Variants in SATB2 observed in about 807,000 individuals in gnomAD.
The protein encoded by SATB2 is DNA-binding protein SATB2.
In SATB2, 1 loss-of-function variant was observed where a neutral mutation model predicts 73.4. The observed-to-expected ratio is 0.01, with a 90% confidence interval of 0.00 to 0.06. SATB2 has a LOEUF of 0.06. Among genes scored for constraint, SATB2 ranks in the 10% least tolerant of loss-of-function variants. The pLI, the probability that SATB2 is intolerant of heterozygous loss-of-function variation, is 1.00. For synonymous variants in SATB2, 397 were observed against 367.0 expected, an observed-to-expected ratio of 1.08 and a Z score of -0.93; for missense variants, 459 against 945.8, an observed-to-expected ratio of 0.49 and a Z score of 6.75.
rs184708212 is a variant in SATB2, at chr2:199,410,932, T to C, written c.346+22406A>G. Among the ~76,000 whole-genome samples, 1,316 of 152,306 alleles carry C rather than the reference T, an allele frequency of 8.6e-3. 6 individuals are homozygous for C. Among genetic ancestry groups the C allele is most frequent in the Non-Finnish European group, 0.013 (856 of 68,028 alleles). ...TTTTTTTTAAAACCATAAAATTCCC[T>C]TCTGCCTCTTACTTGTAAAGCTCCA... On this transcript the variant is annotated intron_variant, in intron 3 of 10. Coordinates refer to ENST00000417098, the MANE Select transcript of SATB2 (RefSeq NM_001172509.2).
At chr2:199,422,627 T>C (rs1691206542) in intron 3 of SATB2, among the ~76,000 whole-genome samples, 1 of 152,138 alleles carries the variant, frequency 6.6e-6, no homozygotes, top group South Asian at 2.1e-4. Context: ...TGCCACTAAA[T>C]GGGATATTGG....
chr2:199,283,519 C>A (rs1692594636), intron 10 of SATB2, among the ~76,000 whole-genome samples: 1 of 146,374 alleles, frequency 6.8e-6, no homozygotes, highest in South Asian at 2.3e-4. Context: ...TGCTTTTGTA[C>A]CATCTGCAAA....
intron 2 of SATB2, among the ~76,000 whole-genome samples, chr2:199,449,077 G>A (rs1053824263): frequency 6.6e-6 from 1 of 152,018 alleles, no homozygotes; most frequent in Non-Finnish European, 1.5e-5. Context: ...TTCTATTCAT[G>A]CTTTTATCTG....
Position 199,328,732 on chromosome 2 carries a change from G to A in SATB2, c.1352C>T (p.Ala451Val), listed in dbSNP as rs1210717946. Reference sequence around the variant, plus strand: ...TCGGGAGGAGCTGGGACTGCTGGAGGCCGAGGAGACCATGCTCACATTGGG... The same window carrying A: ...TCGGGAGGAGCTGGGACTGCTGGAGACCGAGGAGACCATGCTCACATTGGG... ...MNPNVSMVSS[A>V]SSSPSSSRTP... The change falls in exon 8 of 11, where the codon GCC becomes GTC. Residue 451 changes from alanine (A) to valine (V), a missense_variant. By Grantham distance (64) the Ala-to-Val change is moderately conservative. Around this residue, in one of 13 missense-constraint regions of SATB2, gnomAD observed 53 missense variants for 70.5 expected, o/e 0.75. Transcript: ENST00000417098. 2 of 1,613,420 alleles carry A rather than the reference G, an allele frequency of 1.2e-6. No individual in the cohort carries two copies. Among genetic ancestry groups the A allele is most frequent in the South Asian group, 1.1e-5 (1 of 91,048 alleles).
chr2:199,347,025 G>C (rs1197575040), intron 7 of SATB2: 1 of 152,004 alleles, frequency 6.6e-6, no homozygotes, highest in Non-Finnish European at 1.5e-5. Flanking sequence ...ACCACGCCCA[G>C]CTAATTTTTT....
At chr2:199,300,248 T>G (rs1038431861) in intron 10 of SATB2, among the ~76,000 whole-genome samples, 2 of 151,606 alleles carry the variant, frequency 1.3e-5, no homozygotes, top group African/African-American at 4.8e-5. Context: ...ATAGCAACAT[T>G]GAGTTGACCA....
At chr2:199,365,303 T>TA (rs55829800) in intron 6 of SATB2, among the ~76,000 whole-genome samples, 55 of 149,266 alleles carry the variant, frequency 3.7e-4, no homozygotes, top group African/African-American at 1.1e-3. Context: ...GATCAGCAAT[T>TA]AAAAAAAAAA....
At chr2:199,287,289 T>C (rs1392856523) in intron 10 of SATB2, among the ~76,000 whole-genome samples, 1 of 151,548 alleles carries the variant, frequency 6.6e-6, no homozygotes, top group Non-Finnish European at 1.5e-5. Flanking sequence ...ATAAATACAT[T>C]TCACCCAGTA....
intron 3 of SATB2, among the ~76,000 whole-genome samples, chr2:199,413,881 C>T (rs1690895369): frequency 6.6e-6 from 1 of 152,274 alleles, no homozygotes; most frequent in African/African-American, 2.4e-5. Context: ...TGGACACCTA[C>T]ACGAGACAAA....
intron 10 of SATB2, among the ~76,000 whole-genome samples, chr2:199,289,852 C>T (rs1692801347): frequency 6.6e-6 from 1 of 152,160 alleles, no homozygotes; most frequent in Admixed American, 6.5e-5. Context: ...TTAAACAGTT[C>T]TTGGATTAAT....
At chr2:199,362,171 A>G (rs1574547392) in intron 6 of SATB2, among the ~76,000 whole-genome samples, 1 of 152,180 alleles carries the variant, frequency 6.6e-6, no homozygotes, top group African/African-American at 2.4e-5. Context: ...GGATAAATGT[A>G]CTGCCATTCT....
At position 199,272,809 on chromosome 2, in the gene SATB2, A is replaced by C. The variant is rs758097907; in HGVS notation, c.1741-137T>G. 2.6e-5 allele frequency: 21 copies of C among 796,136 alleles called. No homozygotes were observed. The highest frequency in any genetic ancestry group is 4.2e-5 in the Non-Finnish European group (20 of 478,478). 49.3% of individuals were successfully genotyped at this position (796,136 alleles called of 1,614,324 possible). On this transcript the variant is annotated intron_variant, in intron 10 of 10. Transcript: ENST00000417098. The surrounding 1 kb of genome is among the most constrained non-coding windows in gnomAD (Gnocchi z 6.7). ...TCATTTGTAAAGTCAGGTCTTTGGA[A>C]AGCTTAAAAGCATTTCTGGACATTT... is the stretch of plus-strand genomic sequence containing the variant.
At chr2:199,328,028 T>C (rs570560500) in intron 8 of SATB2, among the ~76,000 whole-genome samples, 1 of 152,162 alleles carries the variant, frequency 6.6e-6, no homozygotes, top group Non-Finnish European at 1.5e-5. Flanking sequence ...AGCAGTGTGC[T>C]TGCTATGCAA....
rs182601011 is a variant in SATB2 at position 199,393,887 on chromosome 2, C to T, written c.347-12067G>A. Among the ~76,000 whole-genome samples, 10 of 151,242 alleles carry T rather than the reference C, an allele frequency of 6.6e-5. No homozygotes were observed. The East Asian group carries it at 1.5e-3, about 23-fold the overall frequency. On this transcript the variant is annotated intron_variant, in intron 3 of 10. Coordinates refer to ENST00000417098, the MANE Select transcript of SATB2 (RefSeq NM_001172509.2). Reference sequence around the variant, plus strand: ...AAACAACAATGGCTTTCAGATCAACCGAAAAAAAAATATGGCTCAATCAGG... The same window carrying T: ...AAACAACAATGGCTTTCAGATCAACTGAAAAAAAAATATGGCTCAATCAGG...
intron 2 of SATB2, among the ~76,000 whole-genome samples, chr2:199,447,194 G>A (rs936122407): frequency 2.1e-4 from 32 of 152,300 alleles, no homozygotes; most frequent in African/African-American, 7.5e-4. Flanking sequence ...GCCCCAGGCA[G>A]CCCCTGCTGC....
intron 2 of SATB2, among the ~76,000 whole-genome samples, chr2:199,441,174 A>C (rs1451911548): frequency 6.6e-6 from 1 of 152,114 alleles, no homozygotes; most frequent in Non-Finnish European, 1.5e-5. Context: ...GTACAAACTG[A>C]GCCATACATA....
chr2:199,354,133 G>A (rs1238951412), intron 6 of SATB2, among the ~76,000 whole-genome samples: 4 of 152,274 alleles, frequency 2.6e-5, no homozygotes, highest in South Asian at 2.1e-4. Context: ...CAAGGAGGGC[G>A]GATCACTTGA....
chr2:199,300,550 T>C (rs1431261389), intron 10 of SATB2, among the ~76,000 whole-genome samples: 4 of 152,034 alleles, frequency 2.6e-5, no homozygotes, highest in Non-Finnish European at 4.4e-5. Context: ...CAATATATAT[T>C]AGCAATTTTA....
chr2:199,290,199 A>G (rs1574475822), intron 10 of SATB2, among the ~76,000 whole-genome samples: 1 of 152,314 alleles, frequency 6.6e-6, no homozygotes, highest in Middle Eastern at 3.4e-3. Flanking sequence ...GAGCAGCACT[A>G]CGCCTTGGAA....
Sources: allele counts gnomAD v4.1 joint callset (sites outside exome capture counted in the v4.1 genomes callset), GRCh38; gene constraint gnomAD v4.1.1; regional missense constraint gnomAD v4.1.1; non-coding constraint Gnocchi (gnomAD v3.1); transcripts MANE v1.5; gene names NCBI Gene and HGNC (gene_info 2026-07-23, HGNC 2026-07-21).